The following UNC13C variants were observed in gnomAD, a reference collection of about 807,000 sequenced individuals.
UNC13C encodes protein unc-13 homolog C.
Under a neutral mutation model 245.4 loss-of-function variants are expected in UNC13C, and 174 were observed. The ratio of observed to expected loss-of-function variants is 0.71; its 90% CI spans 0.63 to 0.80. The LOEUF is 0.80. UNC13C is among the 30% of genes least tolerant of loss of function. The pLI is 0.00. For missense variants in UNC13C, 2,829 were observed against 2,602.9 expected, an observed-to-expected ratio of 1.09 and a Z score of -1.89; for synonymous variants, 992 against 895.1, an observed-to-expected ratio of 1.11 and a Z score of -1.93.
At chr15:53,998,966 C>T (rs1894758680) in intron 1 of UNC13C, among the ~76,000 whole-genome samples, 1 of 151,838 alleles carries the variant, frequency 6.6e-6, no homozygotes, top group Non-Finnish European at 1.5e-5. Context: ...TGATCGTGAT[C>T]TATTAATCTT....
At chr15:54,102,217 T>C (rs1900201180) in intron 2 of UNC13C, among the ~76,000 whole-genome samples, 1 of 152,002 alleles carries the variant, frequency 6.6e-6, no homozygotes, top group Non-Finnish European at 1.5e-5. Context: ...GTAGGTTTTC[T>C]TTCATGTGCA....
intron 30 of UNC13C, among the ~76,000 whole-genome samples, chr15:54,571,622 A>G (rs575289443): frequency 1.3e-5 from 2 of 152,342 alleles, no homozygotes; most frequent in African/African-American, 4.8e-5. Context: ...TTGTTATATG[A>G]TTTAGGAAGA....
At chr15:54,384,332 T>C (rs1418397024) in intron 17 of UNC13C, among the ~76,000 whole-genome samples, 1 of 152,020 alleles carries the variant, frequency 6.6e-6, no homozygotes, top group Non-Finnish European at 1.5e-5. Flanking sequence ...TGAAACTGAA[T>C]AGAGGACCCA....
Position 54,235,109 on chromosome 15 carries a change from G to A in UNC13C, c.3150+1G>A. 6.2e-7 allele frequency: 1 copy of A among 1,613,616 alleles called. No individual in the cohort carries two copies. Among genetic ancestry groups the A allele is most frequent in the South Asian group, 1.1e-5 (1 of 91,068 alleles). On this transcript the variant is annotated splice_donor_variant, in intron 5 of 32. Transcript: ENST00000260323. LOFTEE classifies it high-confidence loss of function. ...AACTTTGCCTATTGTCCGAGATGTG[G>A]TAAGTTACAACTGTTTAATTCTCTT...
the UNC13C span, among the ~76,000 whole-genome samples, chr15:53,904,035 C>T: frequency 6.6e-6 from 1 of 152,160 alleles, no homozygotes; most frequent in African/African-American, 2.4e-5. Flanking sequence ...ATGAATATCA[C>T]ACACACCTAA....
chr15:53,927,466 G>C, the UNC13C span, among the ~76,000 whole-genome samples: 1 of 152,204 alleles, frequency 6.6e-6, no homozygotes, highest in Non-Finnish European at 1.5e-5. Flanking sequence ...GATAGCAACT[G>C]GCATGGACTG....
chr15:54,366,841 C>G (rs887734095), intron 17 of UNC13C, among the ~76,000 whole-genome samples: 1 of 152,080 alleles, frequency 6.6e-6, no homozygotes, highest in Non-Finnish European at 1.5e-5. Flanking sequence ...CAACTCTTGA[C>G]TATATGCATG....
intron 30 of UNC13C, 21 bp downstream of exon 30, chr15:54,567,968 G>A: frequency 6.8e-7 from 1 of 1,480,704 alleles, no homozygotes; most frequent in Non-Finnish European, 9.0e-7. Flanking sequence ...CATAGGACCT[G>A]AGAATAAGGT....
chr15:54,018,054 G>T (rs1325222000), intron 2 of UNC13C, among the ~76,000 whole-genome samples: 4 of 152,084 alleles, frequency 2.6e-5, no homozygotes, highest in African/African-American at 9.7e-5. Flanking sequence ...GGCTATCTCT[G>T]CTCCCCTTGG....
rs146642167 is a variant in UNC13C, at chr15:54,287,898, C to G, written c.3819-5997C>G. On this transcript the variant is annotated intron_variant, in intron 10 of 32. Transcript: ENST00000260323. ...ACTTTAAATGAAGTGAATTCATTCT[C>G]TTCCTTTCAATGTAGGTAATCTAAA... Among the ~76,000 whole-genome samples, 1,341 of 152,240 alleles carry G rather than the reference C, an allele frequency of 8.8e-3. 23 individuals are homozygous for G. The highest frequency in any genetic ancestry group is 0.031 in the African/African-American group (1,300 of 41,558).
the UNC13C span, among the ~76,000 whole-genome samples, chr15:53,908,464 A>T: frequency 2.1e-5 from 3 of 146,176 alleles, no homozygotes; most frequent in African/African-American, 4.9e-5. Context: ...TATGTTAAAA[A>T]TGTAGTATGC....
chr15:54,304,653 TAA>T (rs55692010), intron 13 of UNC13C, among the ~76,000 whole-genome samples: 21 of 123,284 alleles, frequency 1.7e-4, no homozygotes, highest in African/African-American at 2.5e-4. Context: ...GAGATGTAAC[TAA>T]AAAAAAAAAA....
chr15:54,604,811 T>C (rs1358838040), intron 30 of UNC13C, among the ~76,000 whole-genome samples: 1 of 152,150 alleles, frequency 6.6e-6, no homozygotes, highest in African/African-American at 2.4e-5. Flanking sequence ...AATGCTGTCA[T>C]AATAGAGAGC....
intron 2 of UNC13C, among the ~76,000 whole-genome samples, chr15:54,061,126 A>T (rs1359151156): frequency 7.6e-4 from 3 of 3,946 alleles, no homozygotes; most frequent in African/African-American, 5.4e-3. Flanking sequence ...ATAATAATAA[A>T]AAAAAAAGGA....
intron 2 of UNC13C, among the ~76,000 whole-genome samples, chr15:54,136,073 TC>T (rs1406094597): frequency 2.6e-5 from 4 of 152,180 alleles, no homozygotes; most frequent in Non-Finnish European, 5.9e-5. Context: ...AGTGTACAGA[TC>T]TTTCACCTCC....
At chr15:54,427,575 A>G (rs1234021910) in intron 19 of UNC13C, among the ~76,000 whole-genome samples, 5 of 151,832 alleles carry the variant, frequency 3.3e-5, no homozygotes, top group Non-Finnish European at 7.4e-5. Flanking sequence ...CTTCAGAATT[A>G]CCCAGTGTAT....
intron 17 of UNC13C, among the ~76,000 whole-genome samples, chr15:54,368,211 G>A (rs988848620): frequency 2.0e-4 from 30 of 152,120 alleles, no homozygotes. Context: ...AGATGGCACT[G>A]AGATGCTATT....
intron 14 of UNC13C, among the ~76,000 whole-genome samples, chr15:54,331,712 A>C (rs1009841084): frequency 6.6e-6 from 1 of 152,140 alleles, no homozygotes; most frequent in African/African-American, 2.4e-5. Context: ...ATTGTTGTGA[A>C]TTATTACACA....
chr15:54,255,652 G>T (rs988175496), intron 8 of UNC13C, among the ~76,000 whole-genome samples: 1 of 142,614 alleles, frequency 7.0e-6, no homozygotes, highest in Non-Finnish European at 1.5e-5. Flanking sequence ...TATAGGCACA[G>T]GATGGGGGCG....
Sources: gnomAD v4.1 joint callset for allele counts (sites outside exome capture counted in the v4.1 genomes callset) on GRCh38, gnomAD v4.1.1 for gene constraint, MANE v1.5 for transcripts, NCBI Gene and HGNC (gene_info 2026-07-23, HGNC 2026-07-21) for gene names.